USP6NL: variants seen among roughly 807,000 people sequenced by gnomAD.
The protein encoded by USP6NL is USP6 N-terminal-like protein.
USP6NL carries 26 observed loss-of-function variants against 61.9 expected under a neutral mutation model. The observed-to-expected ratio is 0.42, with a 90% CI of 0.31 to 0.58. USP6NL has a LOEUF of 0.58. Among genes scored for constraint, USP6NL ranks in the 20% least tolerant of loss-of-function variants. USP6NL has a pLI of 0.16. For missense variants in USP6NL, 1,114 were observed against 1,034.3 expected (o/e 1.08, Z -1.06); for synonymous variants, 432 against 390.1 (o/e 1.11, Z -1.27).
Position 11,551,772 on chromosome 10 carries a change from CTTAAG to C in USP6NL, c.5-24210_5-24206del, listed in dbSNP as rs1208327524. 2.0e-5 allele frequency among the ~76,000 whole-genome samples: 3 copies of C among 152,238 alleles called. No individual in the cohort carries two copies. The East Asian group carries it at 5.8e-4, about 29-fold the overall frequency. On this transcript the variant is annotated intron_variant, in intron 2 of 14. Transcript: ENST00000609104. The stretch of plus-strand genomic sequence containing the variant: ...CAACTTCAGTTTATTCACCTAGGAT[CTTAAG>C]TTAATGGTCAGATTCCATCATAAGT...
rs1473751092 is a variant in USP6NL, at chr10:11,462,975, G to C, written c.1953C>G (p.Ser651Arg). The C allele has an allele frequency of 1.2e-6, 2 of 1,613,836 alleles. No homozygotes were observed. The highest frequency in any genetic ancestry group is 2.7e-5 in the African/African-American group (2 of 74,922). Reference sequence around the variant, plus strand: ...GGCTAAACTGTGGAGAAGCAAAGCTGCTGTTGGCAGTAGGGAAGTGTTTGG... The same window carrying C: ...GGCTAAACTGTGGAGAAGCAAAGCTCCTGTTGGCAGTAGGGAAGTGTTTGG... ...NSPKHFPTAN[S>R]SFASPQFSPG... The change falls in exon 15 of 15, where the codon AGC (serine) becomes AGG (arginine). Residue 651 changes from serine to arginine, a missense_variant. Transcript: ENST00000609104.
In USP6NL at chr10:11,590,219, A is replaced by C. The variant is rs534217070; in HGVS notation, c.4+7412T>G. On this transcript the variant is annotated intron_variant, in intron 2 of 14. Transcript: ENST00000609104. ...GCTGAAAAGAATTACTTTCACAGTCACCCTGCCTATCTCCAAAAAAAAGTC... is the reference window on the plus strand; with the variant it reads ...GCTGAAAAGAATTACTTTCACAGTCCCCCTGCCTATCTCCAAAAAAAAGTC... 7.2e-5 allele frequency among the ~76,000 whole-genome samples: 11 copies of C among 152,306 alleles called. 1 individual carries two copies. The East Asian group carries it at 2.1e-3, about 29-fold the overall frequency.
In USP6NL at chr10:11,537,407, C is replaced by T. The variant is rs1051089826; in HGVS notation, c.5-9840G>A. Among the ~76,000 whole-genome samples the T allele has an allele frequency of 6.6e-6, 1 of 152,136 alleles. No homozygotes were observed. Among genetic ancestry groups the T allele is most frequent in the East Asian group, 1.9e-4 (1 of 5,198 alleles). ...GATTATAGGCATGAGCCACAAAGCC[C>T]GGCCTACTCCTCTAGTTTAAGTATG... is the stretch of plus-strand genomic sequence containing the variant. On this transcript the variant is annotated intron_variant, in intron 2 of 14. Transcript: ENST00000609104. This position sits in a 1 kb window ranked among gnomAD's most constrained non-coding sequence, Gnocchi z 5.1.
At chr10:11,578,473 T>G (rs946041402) in intron 2 of USP6NL, among the ~76,000 whole-genome samples, 19 of 152,190 alleles carry the variant, frequency 1.2e-4, no homozygotes, top group African/African-American at 3.4e-4. Context: ...TTAAGCCTTT[T>G]ATAGATACTC....
At chr10:11,609,114 G>A (rs1327861268) in intron 1 of USP6NL, among the ~76,000 whole-genome samples, 1 of 152,000 alleles carries the variant, frequency 6.6e-6, no homozygotes, top group Non-Finnish European at 1.5e-5. Flanking sequence ...GCCCAGGTTG[G>A]AGTGCAGTGG....
chr10:11,485,154 T>TA lies in USP6NL; in HGVS notation c.825+14dup. 6.5e-7 allele frequency: 1 copy of TA among 1,539,880 alleles called. No individual in the cohort carries two copies. Among genetic ancestry groups the TA allele is most frequent in the Non-Finnish European group, 8.7e-7 (1 of 1,143,948 alleles). ...TTTATAATTTTATGACTGAGTTTTG[T>TA]AAATAAATACTTACACGATCAAGGA... On this transcript the variant is annotated intron_variant, in intron 12 of 14. Coordinates refer to ENST00000609104, the MANE Select transcript of USP6NL (RefSeq NM_014688.5). The surrounding 1 kb of genome is among the most constrained non-coding windows in gnomAD (Gnocchi z 4.8).
Position 11,535,535 on chromosome 10 carries a change from A to G in USP6NL, c.5-7968T>C, listed in dbSNP as rs537307134. ...AAGTAGCTGGTACAGAGAAGGAAACAGCACCTGAGATGCAGAGCAAAGCAG... is the reference window on the plus strand; with the variant it reads ...AAGTAGCTGGTACAGAGAAGGAAACGGCACCTGAGATGCAGAGCAAAGCAG... On this transcript the variant is annotated intron_variant, in intron 2 of 14. Transcript: ENST00000609104. 4.6e-5 allele frequency among the ~76,000 whole-genome samples: 7 copies of G among 152,364 alleles called. No individual in the cohort carries two copies. In the South Asian group the frequency reaches 1.4e-3, roughly 32 times the overall value.
Position 11,522,069 on chromosome 10 carries a change from A to G in USP6NL, c.155+3317T>C, listed in dbSNP as rs61844566. On this transcript the variant is annotated intron_variant, in intron 4 of 14. Coordinates refer to ENST00000609104, the MANE Select transcript of USP6NL (RefSeq NM_014688.5). Reference sequence around the variant, plus strand: ...AATGCCTCACTGCTGAGTACTAAACAAAGAGGTTGCTCATCTGGCAGAGCT... The same window carrying G: ...AATGCCTCACTGCTGAGTACTAAACGAAGAGGTTGCTCATCTGGCAGAGCT... Among the ~76,000 whole-genome samples, 944 of 152,372 alleles carry G rather than the reference A, an allele frequency of 6.2e-3. 4 individuals are homozygous for G. The highest frequency in any genetic ancestry group is 0.024 in the Middle Eastern group (7 of 294).
At chr10:11,593,658 T>C (rs1425968755) in intron 2 of USP6NL, among the ~76,000 whole-genome samples, 1 of 152,190 alleles carries the variant, frequency 6.6e-6, no homozygotes, top group East Asian at 1.9e-4. Flanking sequence ...CAGTACGTTT[T>C]CCACAAAATA....
intron 6 of USP6NL, among the ~76,000 whole-genome samples, chr10:11,506,589 CAG>C (rs1834444224): frequency 6.6e-6 from 1 of 151,662 alleles, no homozygotes. Flanking sequence ...TTGCAGGCTG[CAG>C]AGAACTATAA....
At chr10:11,558,782 A>C (rs1357278219) in intron 2 of USP6NL, among the ~76,000 whole-genome samples, 1 of 152,190 alleles carries the variant, frequency 6.6e-6, no homozygotes, top group African/African-American at 2.4e-5. Context: ...AAACAGATCC[A>C]TCCCTCGTTT....
rs1287525943 is a variant in USP6NL, at chr10:11,487,384, A to C, written c.665-1473T>G. ...GACCCTTAATAATGAGCCAAACTAC[A>C]TTCTAAGTAGTTAGGATAGTAGAAT... is the stretch of plus-strand genomic sequence containing the variant. On this transcript the variant is annotated intron_variant, in intron 10 of 14. Coordinates refer to ENST00000609104, the MANE Select transcript of USP6NL (RefSeq NM_014688.5). The surrounding 1 kb of genome is among the most constrained non-coding windows in gnomAD (Gnocchi z 4.2). 6.6e-6 allele frequency among the ~76,000 whole-genome samples: 1 copy of C among 152,236 alleles called. No homozygotes were observed. The highest frequency in any genetic ancestry group is 2.4e-5 in the African/African-American group (1 of 41,454).
Position 11,536,015 on chromosome 10 carries a change from T to C in USP6NL, c.5-8448A>G, listed in dbSNP as rs181519909. Among the ~76,000 whole-genome samples, 188 of 152,268 alleles carry C rather than the reference T, an allele frequency of 1.2e-3. 2 individuals are homozygous for C. Among genetic ancestry groups the C allele is most frequent in the Non-Finnish European group, 4.9e-4 (33 of 68,010 alleles). ...GAGGAGGAATGAGCAGTGAAGCAGA[T>C]TAACATCAAAGCACAACTAAAAACA... On this transcript the variant is annotated intron_variant, in intron 2 of 14. Transcript: ENST00000609104.
rs567314612 is a variant in USP6NL, at chr10:11,471,022, A to G, written c.1079-7173T>C. On this transcript the variant is annotated intron_variant, in intron 14 of 14. Transcript: ENST00000609104. ...AACATGGTGAAACCCAGTCTCTACT[A>G]AAAACACAAAAAATTAGCTGGGCGT... 3.3e-3 allele frequency among the ~76,000 whole-genome samples: 501 copies of G among 152,292 alleles called. 2 individuals carry two copies. Among genetic ancestry groups the G allele is most frequent in the African/African-American group, 0.012 (482 of 41,560 alleles).
rs1232227027 is a variant in USP6NL, at chr10:11,575,761, T to C, written c.4+21870A>G. On this transcript the variant is annotated intron_variant, in intron 2 of 14. Coordinates refer to ENST00000609104, the MANE Select transcript of USP6NL (RefSeq NM_014688.5). This position sits in a 1 kb window ranked among gnomAD's most constrained non-coding sequence, Gnocchi z 4.2. ...TCAGTAAGAATATCTGATCACATAC[T>C]CTGATGTATGTAACTGAGCTGAACT... 6.6e-6 allele frequency among the ~76,000 whole-genome samples: 1 copy of C among 152,216 alleles called. No homozygotes were observed. The highest frequency in any genetic ancestry group is 1.5e-5 in the Non-Finnish European group (1 of 68,030).
intron 1 of USP6NL, among the ~76,000 whole-genome samples, chr10:11,606,575 T>C (rs1478335001): frequency 6.6e-6 from 1 of 152,230 alleles, no homozygotes; most frequent in African/African-American, 2.4e-5. Flanking sequence ...CATTATTTAC[T>C]GCATTATCTA....
In USP6NL at chr10:11,530,075, C is replaced by T. The variant is rs570633420; in HGVS notation, c.5-2508G>A. On this transcript the variant is annotated intron_variant, in intron 2 of 14. Transcript: ENST00000609104. ...TGAGATCGTGCCACTGCACTCCAGC[C>T]TGGGTGACAGAGTAAGACCCTGTCT... Among the ~76,000 whole-genome samples the T allele has an allele frequency of 1.9e-4, 27 of 140,378 alleles. No individual in the cohort carries two copies. The South Asian group carries it at 3.1e-3, about 16-fold the overall frequency. 92.1% of individuals were successfully genotyped at this position (140,378 alleles called of 152,430 possible).
chr10:11,544,043 C>T (rs1365653647), intron 2 of USP6NL, among the ~76,000 whole-genome samples: 1 of 151,998 alleles, frequency 6.6e-6, no homozygotes, highest in African/African-American at 2.4e-5. Context: ...GATCTCCTGA[C>T]CTCGTGATCC....
At chr10:11,535,269 C>G in intron 2 of USP6NL, among the ~76,000 whole-genome samples, 1 of 152,182 alleles carries the variant, frequency 6.6e-6, no homozygotes. Flanking sequence ...AGTGCAGTTT[C>G]TCCAGTACCC....
Sources: gnomAD v4.1 joint callset for allele counts (sites outside exome capture counted in the v4.1 genomes callset) on GRCh38, gnomAD v4.1.1 for gene constraint, Gnocchi (gnomAD v3.1) non-coding constraint, MANE v1.5 for transcripts, NCBI Gene and HGNC (gene_info 2026-07-23, HGNC 2026-07-21) for gene names.